The following IRS2 variants were observed in gnomAD, a reference collection of about 807,000 sequenced individuals.
The protein encoded by IRS2 is insulin receptor substrate 2.
In IRS2, 28 loss-of-function variants were observed where a neutral mutation model predicts 70.9. The observed-to-expected ratio is 0.39, with a 90% confidence interval of 0.29 to 0.54. The LOEUF is 0.54. IRS2 is among the 20% of genes least tolerant of loss of function. IRS2 has a pLI of 0.59. For missense variants in IRS2, 2,081 were observed against 2,024.1 expected (o/e 1.03, Z -0.54); for synonymous variants, 1,217 against 981.9 (o/e 1.24, Z -4.48).
chr13:109,774,501 C>G (rs1322592010), intron 1 of IRS2, among the ~76,000 whole-genome samples: 1 of 152,166 alleles, frequency 6.6e-6, no homozygotes, highest in Non-Finnish European at 1.5e-5. Context: ...TTAACTATCA[C>G]TCCAGCAAAA....
chr13:109,756,761 T>C (rs1320724201), intron 1 of IRS2, among the ~76,000 whole-genome samples: 1 of 152,156 alleles, frequency 6.6e-6, no homozygotes, highest in African/African-American at 2.4e-5. Flanking sequence ...TGAAAAACTA[T>C]GACACACATT....
At position 109,784,365 on chromosome 13, in the gene IRS2, C is replaced by T; in HGVS notation, c.1689G>A (p.Ala563=). ...GRSYRRVSGD[A]AQDLDRGLRK... The stretch of plus-strand genomic sequence containing the variant: ...GCAGCCCTCGGTCCAGGTCCTGGGC[C>T]GCGTCCCCCGAGACCCGGCGGTAGG... Residue 563 remains alanine, a synonymous_variant, in exon 1 of 2, where the codon GCG becomes GCA. Coordinates refer to ENST00000375856, the MANE Select transcript of IRS2 (RefSeq NM_003749.3). The surrounding 1 kb of genome is among the most constrained non-coding windows in gnomAD (Gnocchi z 5.2). 6.2e-7 allele frequency: 1 copy of T among 1,608,364 alleles called. No homozygotes were observed. Among genetic ancestry groups the T allele is most frequent in the Non-Finnish European group, 8.5e-7 (1 of 1,178,698 alleles).
chr13:109,783,423 C>A lies in IRS2; in HGVS notation c.2631G>T (p.Pro877=), dbSNP rs536431176. The A allele has an allele frequency of 1.3e-6, 2 of 1,490,610 alleles. No individual in the cohort carries two copies. The highest frequency in any genetic ancestry group is 1.3e-5 in the South Asian group (1 of 77,530). The allele number at this position is 1,490,610 out of a possible 1,614,324, so 92.3% of individuals were successfully genotyped here. The change falls in exon 1 of 2, where the codon CCG becomes CCT. Residue 877 remains proline, a synonymous_variant. Coordinates refer to ENST00000375856, the MANE Select transcript of IRS2 (RefSeq NM_003749.3). ...PSPVRPSGGR[P]EGFLGQRGRA... ...GGCCGCGCTGGCCCAAGAAGCCCTCCGGGCGGCCGCCGCTAGGCCGCACGG... is the reference window on the plus strand; with the variant it reads ...GGCCGCGCTGGCCCAAGAAGCCCTCAGGGCGGCCGCCGCTAGGCCGCACGG...
rs1282776942 is a variant in IRS2 at position 109,755,622 on chromosome 13, A to G, written c.*682T>C. ...AATTATTATTTAGTAATCCGTCTTC[A>G]AAGTCCAATCCCAAATTTCACTTCC... is the stretch of plus-strand genomic sequence containing the variant. On this transcript the variant is annotated 3_prime_UTR_variant, in exon 2 of 2. Transcript: ENST00000375856. The G allele has an allele frequency of 2.0e-5, 4 of 203,380 alleles. No individual in the cohort carries two copies. In the South Asian group the frequency reaches 5.7e-4, roughly 29 times the overall value. The allele number at this position is 203,380 out of a possible 1,614,324, so 12.6% of individuals were successfully genotyped here. A position where few individuals can be genotyped will look rare whatever the true frequency, so the allele number is the denominator to read the frequency against.
intron 1 of IRS2, among the ~76,000 whole-genome samples, chr13:109,772,488 G>T (rs1877474802): frequency 6.6e-6 from 1 of 152,150 alleles, no homozygotes; most frequent in African/African-American, 2.4e-5. Flanking sequence ...CATTCGCCCG[G>T]ATAGCAAAAC....
rs1877844742 is a variant in IRS2, at chr13:109,784,394, G to T, written c.1660C>A (p.Arg554Ser). The change falls in exon 1 of 2, where the codon CGC becomes AGC. Residue 554 changes from arginine to serine, a missense_variant. Physicochemically the swap from Arg to Ser is moderately radical, Grantham distance 110 (BLOSUM62 -1). Coordinates refer to ENST00000375856, the MANE Select transcript of IRS2 (RefSeq NM_003749.3). This position sits in a 1 kb window ranked among gnomAD's most constrained non-coding sequence, Gnocchi z 5.2. ...TMDRPLSHCGRSYRRVSGDAA... is the reference protein window; with the variant it reads ...TMDRPLSHCGSSYRRVSGDAA... ...TCCCCCGAGACCCGGCGGTAGGAGC[G>T]GCCACAGTGGCTCAGGGGCCTGTCC... 1.9e-6 allele frequency: 3 copies of T among 1,610,464 alleles called. No individual in the cohort carries two copies. In the East Asian group the frequency reaches 6.7e-5, roughly 36 times the overall value.
Position 109,783,571 on chromosome 13 carries a change from G to C in IRS2, c.2483C>G (p.Ser828Cys). 6.5e-7 allele frequency: 1 copy of C among 1,549,066 alleles called. No homozygotes were observed. The highest frequency in any genetic ancestry group is 8.7e-7 in the Non-Finnish European group (1 of 1,146,108). ...GDSDQYVLMS[S>C]PVGRILEEER... ...CTCCTCCAGGATGCGCCCCACGGGG[G>C]AGCTCATGAGCACGTACTGGTCGCT... is the stretch of plus-strand genomic sequence containing the variant. Residue 828 changes from serine (S) to cysteine (C), a missense_variant, in exon 1 of 2, where the codon TCC becomes TGC. Ser to Cys is a moderately radical substitution (Grantham distance 112). Transcript: ENST00000375856.
At chr13:109,765,066 A>T (rs574717366) in intron 1 of IRS2, among the ~76,000 whole-genome samples, 5 of 152,262 alleles carry the variant, frequency 3.3e-5, no homozygotes, top group African/African-American at 7.2e-5. Flanking sequence ...GCCACGTCAC[A>T]CATGCCAAGC....
In IRS2 at chr13:109,782,715, C is replaced by T; in HGVS notation, c.3339G>A (p.Gln1113=). The T allele has an allele frequency of 6.3e-7, 1 of 1,594,400 alleles. No homozygotes were observed. The highest frequency in any genetic ancestry group is 8.5e-7 in the Non-Finnish European group (1 of 1,171,472). Residue 1113 remains glutamine (Q), a synonymous_variant, in exon 1 of 2, where the codon CAG becomes CAA. Transcript: ENST00000375856. The part of the protein sequence containing the change: ...SGVKRLSLME[Q]VSGVEAFLQA... ...GCAGGAAGGCCTCGACTCCCGACAC[C>T]TGCTCCATGAGGCTCAGCCTCTTCA...
intron 1 of IRS2, among the ~76,000 whole-genome samples, chr13:109,775,477 A>G (rs1015028366): frequency 1.3e-5 from 2 of 152,200 alleles, no homozygotes; most frequent in Non-Finnish European, 1.5e-5. Context: ...ATCACACAGT[A>G]TAATAGGATT....
rs757177634 is a variant in IRS2 at position 109,785,097 on chromosome 13, G to T, written c.957C>A (p.Val319=). The change falls in exon 1 of 2, where the codon GTC becomes GTA. Residue 319 remains valine, a synonymous_variant. Transcript: ENST00000375856. The surrounding 1 kb of genome is among the most constrained non-coding windows in gnomAD (Gnocchi z 9.3). ...SGSSATHPIS[V]PGARRHHHLV... Reference sequence around the variant, plus strand: ...GGTGGTGGTGGCGGCGCGCGCCGGGGACGCTGATGGGGTGCGTGGCCGACG... The same window carrying T: ...GGTGGTGGTGGCGGCGCGCGCCGGGTACGCTGATGGGGTGCGTGGCCGACG... 6.3e-7 allele frequency: 1 copy of T among 1,587,142 alleles called. No individual in the cohort carries two copies. The highest frequency in any genetic ancestry group is 8.6e-7 in the Non-Finnish European group (1 of 1,167,860).
intron 1 of IRS2, among the ~76,000 whole-genome samples, chr13:109,756,952 C>T (rs1566403900): frequency 6.6e-6 from 1 of 152,192 alleles, no homozygotes. Flanking sequence ...TAACCCTCAA[C>T]ATTAGGAAAG....
intron 1 of IRS2, among the ~76,000 whole-genome samples, chr13:109,777,854 T>C (rs141635409): frequency 9.2e-4 from 140 of 152,342 alleles, no homozygotes; most frequent in African/African-American, 3.1e-3. Flanking sequence ...AACACCACTT[T>C]GTTACAATCT....
In IRS2 at chr13:109,783,491, C is replaced by A. The variant is rs1276171081; in HGVS notation, c.2563G>T (p.Gly855Trp). Residue 855 changes from glycine to tryptophan, a missense_variant, in exon 1 of 2, where the codon GGG (glycine) becomes TGG (tryptophan). Around this residue, in one of 4 missense-constraint regions of IRS2, gnomAD observed 1,615 missense variants for 1,459.5 expected, o/e 1.11. Coordinates refer to ENST00000375856, the MANE Select transcript of IRS2 (RefSeq NM_003749.3). ...PGPSQAASAF[G>W]AGPTQPPHPV... ...TGAGGGGGCTGCGTGGGGCCGGCCC[C>A]GAAGGCGCTGGCCGCCTGGCTGGGC... The A allele has an allele frequency of 1.3e-6, 2 of 1,545,114 alleles. No homozygotes were observed. Among genetic ancestry groups the A allele is most frequent in the East Asian group, 4.9e-5 (2 of 40,822 alleles).
At position 109,785,073 on chromosome 13, in the gene IRS2, G is replaced by A. The variant is rs752343010; in HGVS notation, c.981C>T (p.His327=). 5 of 1,575,270 alleles carry A rather than the reference G, an allele frequency of 3.2e-6. No homozygotes were observed. The highest frequency in any genetic ancestry group is 1.3e-5 in the African/African-American group (1 of 74,424). Reference sequence around the variant, plus strand: ...TCTGGCTGGGGGGCAGGTTGACCAGGTGGTGGTGGCGGCGCGCGCCGGGGA... The same window carrying A: ...TCTGGCTGGGGGGCAGGTTGACCAGATGGTGGTGGCGGCGCGCGCCGGGGA... ...ISVPGARRHH[H]LVNLPPSQTG... is the part of the protein sequence containing the mutation. Residue 327 remains histidine (H), a synonymous_variant, in exon 1 of 2, where the codon CAC becomes CAT. Coordinates refer to ENST00000375856, the MANE Select transcript of IRS2 (RefSeq NM_003749.3). This position sits in a 1 kb window ranked among gnomAD's most constrained non-coding sequence, Gnocchi z 9.3.
rs1220384285 is a variant in IRS2, at chr13:109,754,809, G to A, written c.*1495C>T. ...TTTTATTAATGCATTATTCTATAGC[G>A]ATAGATATCTATTATATATTTATAT... On this transcript the variant is annotated 3_prime_UTR_variant, in exon 2 of 2. Coordinates refer to ENST00000375856, the MANE Select transcript of IRS2 (RefSeq NM_003749.3). 1.0e-5 allele frequency: 2 copies of A among 191,826 alleles called. No individual in the cohort carries two copies. The highest frequency in any genetic ancestry group is 6.1e-5 in the Admixed American group (1 of 16,290). 11.9% of individuals were successfully genotyped at this position (191,826 alleles called of 1,614,324 possible).
chr13:109,784,809 C>A lies in IRS2; in HGVS notation c.1245G>T (p.Lys415Asn). 2 of 1,275,290 alleles carry A rather than the reference C, an allele frequency of 1.6e-6. No homozygotes were observed. The highest frequency in any genetic ancestry group is 2.0e-6 in the Non-Finnish European group (2 of 1,003,724). 79.0% of individuals were successfully genotyped at this position (1,275,290 alleles called of 1,614,324 possible). A position where few individuals can be genotyped will look rare whatever the true frequency, so the allele number is the denominator to read the frequency against. Reference sequence around the variant, plus strand: ...CGCCCCCTGCCGGCAGCAGCGCCACCTTGCTCCCGCGGCCGCCGCAGCCGC... The same window carrying A: ...CGCCCCCTGCCGGCAGCAGCGCCACATTGCTCCCGCGGCCGCCGCAGCCGC... Reference protein sequence around the residue: ...LSGGCGGRGSKVALLPAGGAL... With the variant: ...LSGGCGGRGSNVALLPAGGAL... Residue 415 changes from lysine to asparagine, a missense_variant, in exon 1 of 2, where the codon AAG becomes AAT. Physicochemically the swap from Lys to Asn is moderately conservative, Grantham distance 94. Transcript: ENST00000375856. This position sits in a 1 kb window ranked among gnomAD's most constrained non-coding sequence, Gnocchi z 5.2.
intron 1 of IRS2, among the ~76,000 whole-genome samples, chr13:109,779,704 T>G (rs1877655256): frequency 6.6e-6 from 1 of 152,180 alleles, no homozygotes; most frequent in Non-Finnish European, 1.5e-5. Context: ...TTGTCTATTT[T>G]GATTTAAAAG....
At chr13:109,773,112 T>C (rs1304228853) in intron 1 of IRS2, among the ~76,000 whole-genome samples, 3 of 152,176 alleles carry the variant, frequency 2.0e-5, no homozygotes, top group Non-Finnish European at 4.4e-5. Context: ...TGGCAGCTTC[T>C]GTGAAATTAA....
Sources: gnomAD v4.1 joint callset for allele counts (sites outside exome capture counted in the v4.1 genomes callset) on GRCh38, gnomAD v4.1.1 for gene constraint, gnomAD v4.1.1 regional missense constraint, Gnocchi (gnomAD v3.1) non-coding constraint, MANE v1.5 for transcripts, NCBI Gene and HGNC (gene_info 2026-07-23, HGNC 2026-07-21) for gene names.